DLGAP2: variants seen among roughly 807,000 people sequenced by gnomAD.
DLGAP2 encodes disks large-associated protein 2.
DLGAP2 carries 26 observed loss-of-function variants against 100.3 expected under a neutral mutation model. The ratio of observed to expected loss-of-function variants is 0.26; its 90% CI spans 0.19 to 0.36. DLGAP2 has a LOEUF of 0.36. Among genes scored for constraint, DLGAP2 ranks in the 10% least tolerant of loss-of-function variants. The pLI, the probability that DLGAP2 is intolerant of heterozygous loss-of-function variation, is 1.00. For missense variants in DLGAP2, 1,858 were observed against 1,453.2 expected (o/e 1.28, Z -4.53); for synonymous variants, 886 against 630.1 (o/e 1.41, Z -6.08).
chr8:1,211,803 A>T (rs1798109913), intron 2 of DLGAP2, among the ~76,000 whole-genome samples: 1 of 152,248 alleles, frequency 6.6e-6, no homozygotes, highest in Non-Finnish European at 1.5e-5. Flanking sequence ...TGAACCCGGG[A>T]GGTGGAGGTT....
At chr8:1,032,841 T>C (rs1223581835) in intron 2 of DLGAP2, 1 of 152,232 alleles carries the variant, frequency 6.6e-6, no homozygotes, top group Non-Finnish European at 1.5e-5. Context: ...CATTAAGGCA[T>C]GGACGTTAAA....
intron 1 of DLGAP2, among the ~76,000 whole-genome samples, chr8:859,033 A>G (rs1797338918): frequency 6.6e-6 from 1 of 151,994 alleles, no homozygotes; most frequent in African/African-American, 2.4e-5. Flanking sequence ...AAAAAATAGT[A>G]TTTTAATTAA....
At position 1,486,185 on chromosome 8, in the gene DLGAP2, G is replaced by T. The variant is rs554672837; in HGVS notation, c.107-15181G>T. Reference sequence around the variant, plus strand: ...CAAACAGCATGATGACCATCCTACAGATAAGGAAACCAAGGCTTTCATTAC... The same window carrying T: ...CAAACAGCATGATGACCATCCTACATATAAGGAAACCAAGGCTTTCATTAC... On this transcript the variant is annotated intron_variant, in intron 3 of 14. Coordinates refer to ENST00000637795, the MANE Select transcript of DLGAP2 (RefSeq NM_001346810.2). Among the ~76,000 whole-genome samples the T allele has an allele frequency of 2.0e-5, 3 of 152,268 alleles. No individual in the cohort carries two copies. In the East Asian group the frequency reaches 5.8e-4, roughly 29 times the overall value.
Position 1,655,686 on chromosome 8 carries a change from C to G in DLGAP2, c.1811-12643C>G, listed in dbSNP as rs1798267764. Among the ~76,000 whole-genome samples the G allele has an allele frequency of 4.0e-5, 6 of 150,746 alleles. No homozygotes were observed. In the South Asian group the frequency reaches 1.3e-3, roughly 32 times the overall value. On this transcript the variant is annotated intron_variant, in intron 8 of 14. Coordinates refer to ENST00000637795, the MANE Select transcript of DLGAP2 (RefSeq NM_001346810.2). ...TAGATTGTGGAGCAGTTTCTTTCAT[C>G]TCATTCACACGAGCTTCTTTCCAGT...
chr8:1,267,615 A>AAATAATAAAATAATAAAAT lies in DLGAP2; in HGVS notation c.106+8732_106+8733insAATAATAAAATAATAAAAT. Among the ~76,000 whole-genome samples the AAATAATAAAATAATAAAAT allele has an allele frequency of 5.2e-4, 63 of 121,196 alleles. 4 individuals are homozygous for AAATAATAAAATAATAAAAT. Among genetic ancestry groups the AAATAATAAAATAATAAAAT allele is most frequent in the Middle Eastern group, 3.6e-3 (1 of 274 alleles). The allele number at this position is 121,196 out of a possible 152,430, so 79.5% of individuals were successfully genotyped here. On this transcript the variant is annotated intron_variant, in intron 3 of 14. Coordinates refer to ENST00000637795, the MANE Select transcript of DLGAP2 (RefSeq NM_001346810.2). ...AGATAAGATAAGATAAGATAAGATA[A>AAATAATAAAATAATAAAAT]GATAAGATAAATATTAAATAGGTCT... is the stretch of plus-strand genomic sequence containing the variant.
rs371660171 is a variant in DLGAP2 at position 1,297,554 on chromosome 8, A to G, written c.106+38671A>G. Among the ~76,000 whole-genome samples the G allele has an allele frequency of 9.2e-3, 488 of 53,302 alleles. 2 individuals carry two copies. The highest frequency in any genetic ancestry group is 0.026 in the Middle Eastern group (2 of 76). The allele number at this position is 53,302 out of a possible 152,430, so 35.0% of individuals were successfully genotyped here. A position where few individuals can be genotyped will look rare whatever the true frequency, so the allele number is the denominator to read the frequency against. ...GACAGGGAGGAGAAACGTGGCAGGC[A>G]TGAACAGACACCACGTGAGACAGGG... is the stretch of plus-strand genomic sequence containing the variant. On this transcript the variant is annotated intron_variant, in intron 3 of 14. Coordinates refer to ENST00000637795, the MANE Select transcript of DLGAP2 (RefSeq NM_001346810.2).
In DLGAP2 at chr8:1,355,764, C is replaced by A. The variant is rs547362291; in HGVS notation, c.106+96881C>A. Among the ~76,000 whole-genome samples the A allele has an allele frequency of 3.5e-4, 54 of 152,232 alleles. 1 individual carries two copies. In the South Asian group the frequency reaches 0.011, roughly 30 times the overall value. ...GGTCCTGTCCCTGTGGACAAGTGCC[C>A]CACAGCTGTGTGGCTCCCTGTCTCC... On this transcript the variant is annotated intron_variant, in intron 3 of 14. Transcript: ENST00000637795.
In DLGAP2 at chr8:1,255,526, GCCTGGGAGCTGTGTGTCTGTCC is replaced by G. The variant is rs1426395855; in HGVS notation, c.74-3324_74-3303del. The stretch of plus-strand genomic sequence containing the variant: ...GGGCGCTGTGTGTGTGTCATCTCCT[GCCTGGGAGCTGTGTGTCTGTCC>G]TCTCCTGCCTGGGAGCTGTGTGTGT... On this transcript the variant is annotated intron_variant, in intron 2 of 14. Coordinates refer to ENST00000637795, the MANE Select transcript of DLGAP2 (RefSeq NM_001346810.2). Among the ~76,000 whole-genome samples, 358 of 129,068 alleles carry G rather than the reference GCCTGGGAGCTGTGTGTCTGTCC, an allele frequency of 2.8e-3. 23 individuals are homozygous for G. The highest frequency in any genetic ancestry group is 0.01 in the African/African-American group (280 of 27,228). 84.7% of individuals were successfully genotyped at this position (129,068 alleles called of 152,430 possible).
intron 4 of DLGAP2, among the ~76,000 whole-genome samples, chr8:1,523,437 C>T (rs1256245998): frequency 6.6e-6 from 1 of 152,220 alleles, no homozygotes; most frequent in East Asian, 1.9e-4. Flanking sequence ...CCCAGCCATG[C>T]CCCCACGCAG....
chr8:1,494,485 C>T (rs1218530851), intron 3 of DLGAP2, among the ~76,000 whole-genome samples: 1 of 152,218 alleles, frequency 6.6e-6, no homozygotes, highest in Non-Finnish European at 1.5e-5. Context: ...AATCCCAGCA[C>T]TTTGGGAGGC....
intron 2 of DLGAP2, among the ~76,000 whole-genome samples, chr8:981,920 C>T (rs142425159): frequency 2.6e-5 from 4 of 152,332 alleles, no homozygotes; most frequent in African/African-American, 9.6e-5. Context: ...AGTGCATCTC[C>T]GTGCCTGCGG....
intron 2 of DLGAP2, among the ~76,000 whole-genome samples, chr8:1,152,977 A>G (rs947317895): frequency 7.2e-5 from 11 of 152,236 alleles, no homozygotes; most frequent in Non-Finnish European, 1.2e-4. Context: ...ATTTGGCACT[A>G]TTAATTCAAG....
intron 1 of DLGAP2, among the ~76,000 whole-genome samples, chr8:755,934 G>A (rs141521301): frequency 2.0e-5 from 3 of 152,186 alleles, no homozygotes; most frequent in Non-Finnish European, 2.9e-5. Context: ...GCTGGGGTGT[G>A]CCCACAGGTG....
intron 1 of DLGAP2, among the ~76,000 whole-genome samples, chr8:767,359 T>G (rs1821241326): frequency 6.6e-6 from 1 of 150,394 alleles, no homozygotes; most frequent in Admixed American, 6.6e-5. Flanking sequence ...TTTTTTTTTT[T>G]TTTTTTTTTG....
At chr8:871,676 A>T (rs1797600395) in intron 1 of DLGAP2, among the ~76,000 whole-genome samples, 1 of 152,154 alleles carries the variant, frequency 6.6e-6, no homozygotes. Flanking sequence ...TCAACCAGAT[A>T]AGTATAGTCC....
chr8:1,591,190 A>G (rs530430013), intron 6 of DLGAP2, among the ~76,000 whole-genome samples: 1 of 152,204 alleles, frequency 6.6e-6, no homozygotes, highest in South Asian at 2.1e-4. Flanking sequence ...CTGTTTTCCT[A>G]TTCAAAGTTC....
chr8:1,525,141 A>T (rs1038625135), intron 4 of DLGAP2, among the ~76,000 whole-genome samples: 2 of 146,070 alleles, frequency 1.4e-5, no homozygotes, highest in African/African-American at 5.0e-5. Flanking sequence ...AGGTCTCCTG[A>T]GGCAACAACT....
intron 3 of DLGAP2, among the ~76,000 whole-genome samples, chr8:1,346,914 A>G (rs1801573476): frequency 6.7e-6 from 1 of 149,786 alleles, no homozygotes; most frequent in Non-Finnish European, 1.5e-5. Context: ...GTGGAGGTTG[A>G]GTTCCCATAC....
chr8:1,587,356 G>C (rs764119066), intron 6 of DLGAP2, among the ~76,000 whole-genome samples: 1 of 152,166 alleles, frequency 6.6e-6, no homozygotes, highest in Admixed American at 6.6e-5. Context: ...GTGATCTGGG[G>C]TGAGGCCAGA....
Sources: gnomAD v4.1 joint callset for allele counts (sites outside exome capture counted in the v4.1 genomes callset) on GRCh38, gnomAD v4.1.1 for gene constraint, MANE v1.5 for transcripts, NCBI Gene and HGNC (gene_info 2026-07-23, HGNC 2026-07-21) for gene names.